The following GRIK2 variants were observed in gnomAD, a reference collection of about 807,000 sequenced individuals.
GRIK2 encodes glutamate receptor ionotropic, kainate 2.
In GRIK2, 32 loss-of-function variants were observed where a neutral mutation model predicts 100.3. The observed-to-expected ratio is 0.32, with a 90% CI of 0.24 to 0.43. The LOEUF (loss-of-function observed/expected upper bound fraction) is 0.43, where lower values mean the gene tolerates loss of function less well. Among genes scored for constraint, GRIK2 ranks in the 20% least tolerant of loss-of-function variants. The pLI is 1.00. For missense variants in GRIK2, 843 were observed against 1,114.9 expected (o/e 0.76, Z 3.47); for synonymous variants, 417 against 389.4 (o/e 1.07, Z -0.83).
chr6:101,896,629 A>G (rs961554594), intron 12 of GRIK2, among the ~76,000 whole-genome samples: 10 of 151,722 alleles, frequency 6.6e-5, no homozygotes, highest in Admixed American at 4.0e-4. Context: ...TTCAAATTCT[A>G]TGGATAAATT....
At chr6:101,755,689 G>A (rs771353164) in intron 7 of GRIK2, among the ~76,000 whole-genome samples, 1 of 152,110 alleles carries the variant, frequency 6.6e-6, no homozygotes, top group Non-Finnish European at 1.5e-5. Flanking sequence ...ATTTAAAAGT[G>A]TATCTACTAA....
intron 1 of GRIK2, among the ~76,000 whole-genome samples, chr6:101,394,267 T>G (rs1774913845): frequency 6.6e-6 from 1 of 152,140 alleles, no homozygotes; most frequent in African/African-American, 2.4e-5. Context: ...ACCCTACTCC[T>G]TAGTTCTGCG....
chr6:102,064,049 GT>G, intron 16 of GRIK2: 4 of 1,285,530 alleles, frequency 3.1e-6, no homozygotes, highest in African/African-American at 1.5e-5. Context: ...TTTAATAATG[GT>G]TAGTATCCTT....
At chr6:101,616,244 C>G (rs1011720024) in intron 2 of GRIK2, among the ~76,000 whole-genome samples, 7 of 151,764 alleles carry the variant, frequency 4.6e-5, no homozygotes, top group South Asian at 2.1e-4. Context: ...CTTTCACTGT[C>G]CTGTTTTCTG....
chr6:101,464,451 T>A (rs923775507), intron 2 of GRIK2, among the ~76,000 whole-genome samples: 6 of 151,320 alleles, frequency 4.0e-5, no homozygotes, highest in Admixed American at 1.3e-4. Flanking sequence ...TCATTATAAG[T>A]CACTGCATTG....
In GRIK2 at chr6:102,046,814, T is replaced by C. The variant is rs185273031; in HGVS notation, c.2312-8516T>C. 4.3e-3 allele frequency among the ~76,000 whole-genome samples: 660 copies of C among 152,246 alleles called. 1 individual carries two copies. Among genetic ancestry groups the C allele is most frequent in the Non-Finnish European group, 7.0e-3 (475 of 68,014 alleles). On this transcript the variant is annotated intron_variant, in intron 15 of 16. Transcript: ENST00000369134. ...CCAAGACAGGGCATAGTTTAGGCCATGAAACAAATCTTAACAAATTCAAAA... is the reference window on the plus strand; with the variant it reads ...CCAAGACAGGGCATAGTTTAGGCCACGAAACAAATCTTAACAAATTCAAAA...
intron 2 of GRIK2, among the ~76,000 whole-genome samples, chr6:101,595,887 C>T (rs2128308243): frequency 6.6e-6 from 1 of 150,768 alleles, no homozygotes; most frequent in African/African-American, 2.4e-5. Flanking sequence ...CCAGTGTTTT[C>T]TTCCTATGTG....
intron 14 of GRIK2, among the ~76,000 whole-genome samples, chr6:101,936,942 G>A (rs1790653042): frequency 6.6e-6 from 1 of 152,052 alleles, no homozygotes; most frequent in African/African-American, 2.4e-5. Flanking sequence ...TGGTTAAAAA[G>A]AAAGCAATAA....
At chr6:101,581,002 T>C (rs1778057748) in intron 2 of GRIK2, among the ~76,000 whole-genome samples, 1 of 152,054 alleles carries the variant, frequency 6.6e-6, no homozygotes, top group Non-Finnish European at 1.5e-5. Context: ...TCATCCTCTA[T>C]ATTTTACTTA....
chr6:101,779,495 C>G (rs1338237199), intron 7 of GRIK2, among the ~76,000 whole-genome samples: 1 of 152,034 alleles, frequency 6.6e-6, no homozygotes, highest in Non-Finnish European at 1.5e-5. Context: ...TAAAGGTTTG[C>G]AAAACAAAAC....
intron 10 of GRIK2, among the ~76,000 whole-genome samples, chr6:101,826,234 C>T (rs935946832): frequency 1.3e-5 from 2 of 151,930 alleles, no homozygotes; most frequent in African/African-American, 4.8e-5. Flanking sequence ...ATGGGTACTA[C>T]TGAATGGGTG....
At chr6:101,730,285 C>G (rs935460956) in intron 7 of GRIK2, among the ~76,000 whole-genome samples, 6 of 151,862 alleles carry the variant, frequency 4.0e-5, no homozygotes, top group African/African-American at 1.4e-4. Context: ...TATATTTGTG[C>G]ATTTCTGTGT....
chr6:101,716,933 T>C (rs1256715297), intron 7 of GRIK2, among the ~76,000 whole-genome samples: 2 of 151,798 alleles, frequency 1.3e-5, no homozygotes, highest in African/African-American at 4.8e-5. Flanking sequence ...GCTTCCTTAA[T>C]CTCCACAGGA....
intron 7 of GRIK2, among the ~76,000 whole-genome samples, chr6:101,706,533 T>G (rs956124583): frequency 5.9e-5 from 9 of 151,830 alleles, no homozygotes; most frequent in African/African-American, 1.5e-4. Flanking sequence ...AATGACAAGA[T>G]GAGATTAGAT....
chr6:101,787,331 T>G (rs940942291), intron 7 of GRIK2, among the ~76,000 whole-genome samples: 2 of 152,020 alleles, frequency 1.3e-5, no homozygotes, highest in Non-Finnish European at 2.9e-5. Context: ...TTTATTATTT[T>G]TTTCTTCTAC....
chr6:101,696,496 A>G (rs1772497151), intron 7 of GRIK2, among the ~76,000 whole-genome samples: 1 of 152,072 alleles, frequency 6.6e-6, no homozygotes, highest in African/African-American at 2.4e-5. Flanking sequence ...TATAAAGAAT[A>G]TGAATTTTAA....
chr6:101,675,585 T>G (rs1484060879), intron 4 of GRIK2, among the ~76,000 whole-genome samples: 3 of 152,140 alleles, frequency 2.0e-5, no homozygotes, highest in Non-Finnish European at 4.4e-5. Flanking sequence ...GTGGATCTTT[T>G]GTGTCAGCTC....
chr6:101,517,680 A>AT (rs1774656643), intron 2 of GRIK2, among the ~76,000 whole-genome samples: 1 of 152,146 alleles, frequency 6.6e-6, no homozygotes, highest in Admixed American at 6.6e-5. Context: ...GCAAAAACAT[A>AT]TTTGACTTTT....
intron 7 of GRIK2, among the ~76,000 whole-genome samples, chr6:101,792,162 A>G (rs1020033189): frequency 2.6e-4 from 39 of 151,340 alleles, no homozygotes; most frequent in African/African-American, 8.5e-4. Flanking sequence ...TCTTTATCCA[A>G]TTTGCCAGTC....
Sources: allele counts gnomAD v4.1 joint callset (sites outside exome capture counted in the v4.1 genomes callset), GRCh38; gene constraint gnomAD v4.1.1; transcripts MANE v1.5; gene names NCBI Gene and HGNC (gene_info 2026-07-23, HGNC 2026-07-21).